Variants in ACYP2 observed in about 807,000 individuals in gnomAD.
The protein encoded by ACYP2 is acylphosphatase-2.
Under a neutral mutation model 11.2 loss-of-function variants are expected in ACYP2, and 12 were observed. That is an observed-to-expected ratio of 1.08 (90% CI 0.69 to 1.74). The LOEUF (loss-of-function observed/expected upper bound fraction) is 1.74, where lower values mean the gene tolerates loss of function less well. Ranked by LOEUF, ACYP2 falls within the 40% of genes most tolerant of loss-of-function variation. The pLI is 0.00. For missense variants in ACYP2, 134 were observed against 101.9 expected (o/e 1.31, Z -1.35); for synonymous variants, 43 against 32.2 (o/e 1.33, Z -1.13).
intron 4 of ACYP2, among the ~76,000 whole-genome samples, chr2:54,098,564 T>G (rs1041744409): frequency 6.6e-6 from 1 of 152,212 alleles, no homozygotes; most frequent in Non-Finnish European, 1.5e-5. Flanking sequence ...TGCTTTTAGT[T>G]CTTTTTGTGA....
At chr2:54,112,189 T>C (rs1405425188) in intron 4 of ACYP2, among the ~76,000 whole-genome samples, 1 of 152,228 alleles carries the variant, frequency 6.6e-6, no homozygotes, top group Non-Finnish European at 1.5e-5. Context: ...ACCTTAAACA[T>C]GATCCTAGAT....
At chr2:54,243,062 G>A (rs1161353359) in intron 6 of ACYP2, among the ~76,000 whole-genome samples, 1 of 152,096 alleles carries the variant, frequency 6.6e-6, no homozygotes, top group Non-Finnish European at 1.5e-5. Context: ...TCTATATCAG[G>A]GAGATTAGCC....
At chr2:54,226,055 T>C (rs1685998353) in intron 6 of ACYP2, among the ~76,000 whole-genome samples, 5 of 152,202 alleles carry the variant, frequency 3.3e-5, no homozygotes, top group Admixed American at 1.3e-4. Context: ...GAGAAAAATA[T>C]GGAAAAGTTT....
intron 4 of ACYP2, among the ~76,000 whole-genome samples, chr2:54,120,542 T>C (rs190661217): frequency 6.6e-6 from 1 of 152,312 alleles, no homozygotes; most frequent in Admixed American, 6.5e-5. Context: ...TTTTTTAGAA[T>C]AAGAGTAGCT....
chr2:54,280,447 G>T (rs1021317576), intron 6 of ACYP2, among the ~76,000 whole-genome samples: 1 of 152,128 alleles, frequency 6.6e-6, no homozygotes. Context: ...TGAAGCTGCA[G>T]CTTTCATGAT....
intron 2 of ACYP2, among the ~76,000 whole-genome samples, chr2:53,976,654 C>A (rs941974345): frequency 6.6e-6 from 1 of 152,138 alleles, no homozygotes; most frequent in Non-Finnish European, 1.5e-5. Flanking sequence ...AATATTAGAT[C>A]TGAGAAATGT....
chr2:54,018,542 G>A (rs1415261621), intron 2 of ACYP2, among the ~76,000 whole-genome samples: 1 of 152,102 alleles, frequency 6.6e-6, no homozygotes, highest in Non-Finnish European at 1.5e-5. Context: ...GCTAGGTGTG[G>A]TGGCTCATGC....
At chr2:54,189,334 A>C (rs967312591) in intron 6 of ACYP2, among the ~76,000 whole-genome samples, 21 of 151,380 alleles carry the variant, frequency 1.4e-4, no homozygotes, top group Non-Finnish European at 2.4e-4. Flanking sequence ...CCTCCCCCTC[A>C]CCCTCCACCT....
At position 54,051,048 on chromosome 2, in the gene ACYP2, C is replaced by T. The variant is rs1380192592; in HGVS notation, c.153C>T (p.Tyr51=). The change falls in exon 3 of 7, where the codon TAC becomes TAT. Residue 51 remains tyrosine, a splice_region_variant and synonymous_variant. Coordinates refer to ENST00000607452, the MANE Select transcript of ACYP2 (RefSeq NM_001320586.2). ...TCGGCCTCCCATGCTGTTGGGATTA[C>T]AGGTGAGAACCACCGTCCTTGGTCA... 6.1e-6 allele frequency: 3 copies of T among 492,722 alleles called. No individual in the cohort carries two copies. The highest frequency in any genetic ancestry group is 1.1e-5 in the Non-Finnish European group (3 of 281,816). 30.5% of individuals were successfully genotyped at this position (492,722 alleles called of 1,614,324 possible).
At chr2:54,103,125 A>G (rs994568735) in intron 4 of ACYP2, among the ~76,000 whole-genome samples, 8 of 152,178 alleles carry the variant, frequency 5.3e-5, no homozygotes, top group Non-Finnish European at 1.2e-4. Context: ...AGACAAAAAA[A>G]GAGTGGATAC....
chr2:54,191,143 C>G (rs2103886970), intron 6 of ACYP2, among the ~76,000 whole-genome samples: 1 of 152,200 alleles, frequency 6.6e-6, no homozygotes, highest in South Asian at 2.1e-4. Flanking sequence ...CCCTGCTTTC[C>G]CCTGTGCCCC....
chr2:54,031,120 T>C (rs952209784), intron 2 of ACYP2, among the ~76,000 whole-genome samples: 5 of 147,236 alleles, frequency 3.4e-5, no homozygotes, highest in Non-Finnish European at 5.9e-5. Context: ...AGGAAAGCAC[T>C]TCTTCTTCTT....
intron 2 of ACYP2, among the ~76,000 whole-genome samples, chr2:54,022,813 T>C (rs957420175): frequency 2.3e-4 from 35 of 152,324 alleles, no homozygotes; most frequent in Admixed American, 1.4e-3. Context: ...TCTCTGAAGA[T>C]GGAGAGACGC....
At chr2:54,170,216 G>A (rs1037812605) in intron 6 of ACYP2, among the ~76,000 whole-genome samples, 4 of 152,084 alleles carry the variant, frequency 2.6e-5, no homozygotes, top group East Asian at 1.9e-4. Flanking sequence ...GCAGTGGCGC[G>A]ATCTTGGCTC....
chr2:53,975,900 G>A (rs996278941), intron 2 of ACYP2, among the ~76,000 whole-genome samples: 2 of 152,124 alleles, frequency 1.3e-5, no homozygotes, highest in African/African-American at 4.8e-5. Flanking sequence ...CTTCTTATCA[G>A]ACCCTCAAGG....
In ACYP2 at chr2:54,183,542, A is replaced by AG. The variant is rs1284976202; in HGVS notation, c.404+44795dup. 3.3e-5 allele frequency among the ~76,000 whole-genome samples: 5 copies of AG among 152,212 alleles called. No homozygotes were observed. The East Asian group carries it at 7.7e-4, about 23-fold the overall frequency. ...GCGAGACCCGGTCTCAAAAAAAAAA[A>AG]GAAAAAAAGATTAACTTCATTTTTT... is the stretch of plus-strand genomic sequence containing the variant. On this transcript the variant is annotated intron_variant, in intron 6 of 6. Coordinates refer to ENST00000607452, the MANE Select transcript of ACYP2 (RefSeq NM_001320586.2).
intron 6 of ACYP2, among the ~76,000 whole-genome samples, chr2:54,256,667 G>A (rs1687554010): frequency 6.6e-6 from 1 of 152,082 alleles, no homozygotes; most frequent in African/African-American, 2.4e-5. Flanking sequence ...TTTTGGACTC[G>A]TAGTTTCGCT....
intron 6 of ACYP2, among the ~76,000 whole-genome samples, chr2:54,188,666 GAAAC>G (rs1275319455): frequency 6.6e-6 from 1 of 152,092 alleles, no homozygotes; most frequent in Non-Finnish European, 1.5e-5. Context: ...GTTGTTTAAA[GAAAC>G]AAACCATACA....
intron 6 of ACYP2, among the ~76,000 whole-genome samples, chr2:54,264,745 C>T (rs1232308557): frequency 6.6e-6 from 1 of 152,098 alleles, no homozygotes; most frequent in African/African-American, 2.4e-5. Context: ...ATACATGATC[C>T]TTGTTTGGGG....
Sources: gnomAD v4.1 joint callset for allele counts (sites outside exome capture counted in the v4.1 genomes callset) on GRCh38, gnomAD v4.1.1 for gene constraint, MANE v1.5 for transcripts, NCBI Gene and HGNC (gene_info 2026-07-23, HGNC 2026-07-21) for gene names.